Variants in BBOF1 observed in about 807,000 individuals in gnomAD.
BBOF1 encodes basal body orientation factor 1, also known as basal body-orientation factor 1.
BBOF1 carries 62 observed loss-of-function variants against 68.0 expected under a neutral mutation model. That is an observed-to-expected ratio of 0.91 (90% CI 0.74 to 1.13). The LOEUF (loss-of-function observed/expected upper bound fraction) is 1.13, where lower values mean the gene tolerates loss of function less well. BBOF1 is among the 50% of genes most tolerant of loss of function. The pLI is 0.00. For missense variants in BBOF1, 534 were observed against 600.1 expected (o/e 0.89, Z 1.15); for synonymous variants, 208 against 198.8 (o/e 1.05, Z -0.39).
chr14:74,047,667 A>G (rs1014503535), intron 6 of BBOF1, among the ~76,000 whole-genome samples: 6 of 151,956 alleles, frequency 3.9e-5, no homozygotes, highest in African/African-American at 1.5e-4. Flanking sequence ...CCAAATTCCT[A>G]GGCTCAAGTG....
At position 74,050,132 on chromosome 14, in the gene BBOF1, C is replaced by T. The variant is rs1595074100; in HGVS notation, c.1223C>T (p.Thr408Ile). 1 of 1,605,512 alleles carries T rather than the reference C, an allele frequency of 6.2e-7. No individual in the cohort carries two copies. The highest frequency in any genetic ancestry group is 8.5e-7 in the Non-Finnish European group (1 of 1,175,158). The change falls in exon 8 of 12, where the codon ACA becomes ATA. Residue 408 changes from threonine to isoleucine, a missense_variant. By Grantham distance (89) the Thr-to-Ile change is moderately conservative (BLOSUM62 -1). Transcript: ENST00000394009. ...AGAACAGAATATCCCAAAATCAGAACATTTGATGGCAGAGAGCACAGCACC... is the reference window on the plus strand; with the variant it reads ...AGAACAGAATATCCCAAAATCAGAATATTTGATGGCAGAGAGCACAGCACC... ...TGRTEYPKIR[T>I]FDGREHSTNS...
chr14:74,078,461 T>C (rs2060636952), intron 10 of BBOF1: 1 of 268,542 alleles, frequency 3.7e-6, no homozygotes, highest in Non-Finnish European at 7.4e-6. Context: ...TCAAGCCATC[T>C]TCCTGCCTCA....
chr14:74,048,016 C>T lies in BBOF1; in HGVS notation c.734C>T (p.Ala245Val), dbSNP rs765446845. Reference sequence around the variant, plus strand: ...GCATATCACCTGAAGGAAACTGACGCTCTACAAAAAAACTCCCAGAAGTTG... The same window carrying T: ...GCATATCACCTGAAGGAAACTGACGTTCTACAAAAAAACTCCCAGAAGTTG... Reference protein sequence around the residue: ...ALAYHLKETDALQKNSQKLQE... With the variant: ...ALAYHLKETDVLQKNSQKLQE... Residue 245 changes from alanine (A) to valine (V), a missense_variant, in exon 7 of 12, where the codon GCT (alanine) becomes GTT (valine). By Grantham distance (64) the Ala-to-Val change is moderately conservative (BLOSUM62 0). Transcript: ENST00000394009. The T allele has an allele frequency of 4.3e-6, 7 of 1,613,112 alleles. 1 individual carries two copies. In the South Asian group the frequency reaches 7.7e-5, roughly 18 times the overall value.
intron 10 of BBOF1, among the ~76,000 whole-genome samples, chr14:74,080,750 A>G (rs1350313541): frequency 1.3e-5 from 2 of 152,120 alleles, no homozygotes; most frequent in Non-Finnish European, 2.9e-5. Flanking sequence ...GCCTACTCTT[A>G]AACTTTCTGA....
At chr14:74,071,637 A>G in intron 9 of BBOF1, 1 of 1,555,144 alleles carries the variant, frequency 6.4e-7, no homozygotes, top group African/African-American at 1.4e-5. Flanking sequence ...TTCCAAGTTA[A>G]GGGTTTGTGC....
intron 9 of BBOF1, among the ~76,000 whole-genome samples, chr14:74,073,917 CA>C (rs5809643): frequency 0.13 from 10,070 of 76,886 alleles, 362 homozygotes; most frequent in South Asian, 0.33. Flanking sequence ...GACTCCATCT[CA>C]AAAAAAAAAA....
chr14:74,078,448 G>T, intron 10 of BBOF1: 1 of 269,836 alleles, frequency 3.7e-6, no homozygotes, highest in East Asian at 1.1e-4. Context: ...CCATCTCCTG[G>T]GCTCAAGCCA....
chr14:74,069,652 C>CTGAGGCAGGAGAATTGCT (rs1405053255), downstream of BBOF1, among the ~76,000 whole-genome samples: 3 of 151,752 alleles, frequency 2.0e-5, no homozygotes, highest in Non-Finnish European at 4.4e-5. Context: ...ACTTGGGAGT[C>CTGAGGCAGGAGAATTGCT]TGAGGCAGGA....
rs2059985352 is a variant in BBOF1 at position 74,047,869 on chromosome 14, T to C, written c.648-61T>C. On this transcript the variant is annotated intron_variant, in intron 6 of 11. Coordinates refer to ENST00000394009, the MANE Select transcript of BBOF1 (RefSeq NM_025057.3). ...GGGTGCAGGTGGTGAAGCAATCATT[T>C]TTCTATTTTGGCGATATCTAAAAGT... is the stretch of plus-strand genomic sequence containing the variant. 6 of 1,460,108 alleles carry C rather than the reference T, an allele frequency of 4.1e-6. No individual in the cohort carries two copies. In the East Asian group the frequency reaches 1.2e-4, roughly 29 times the overall value. The allele number at this position is 1,460,108 out of a possible 1,614,324, so 90.4% of individuals were successfully genotyped here. A position where few individuals can be genotyped will look rare whatever the true frequency, so the allele number is the denominator to read the frequency against.
chr14:74,048,481 T>G (rs2059998253), intron 7 of BBOF1: 1 of 153,278 alleles, frequency 6.5e-6, no homozygotes, highest in African/African-American at 2.4e-5. Flanking sequence ...GGAATGGTAG[T>G]GCCACAAAGT....
At chr14:74,030,154 C>A (rs1467013382) in intron 3 of BBOF1, among the ~76,000 whole-genome samples, 2 of 152,092 alleles carry the variant, frequency 1.3e-5, no homozygotes, top group Non-Finnish European at 2.9e-5. Context: ...GTTATGCCAC[C>A]AACTCAACAA....
chr14:74,074,714 C>A (rs2060593530), intron 9 of BBOF1, among the ~76,000 whole-genome samples: 1 of 152,100 alleles, frequency 6.6e-6, no homozygotes, highest in Non-Finnish European at 1.5e-5. Flanking sequence ...GTAAAAACCA[C>A]TCTAAAGGTC....
intron 10 of BBOF1, among the ~76,000 whole-genome samples, chr14:74,080,681 G>C (rs1276978203): frequency 6.6e-6 from 1 of 152,060 alleles, no homozygotes; most frequent in South Asian, 2.1e-4. Context: ...AGCCTCAAGC[G>C]ATCCTCCTGC....
At chr14:74,067,434 T>C (rs771324088), downstream of BBOF1, 2 of 1,614,118 alleles carry the variant, frequency 1.2e-6, no homozygotes, top group South Asian at 1.1e-5. Context: ...AGCCACTTCT[T>C]GGCTTCTCCC....
chr14:74,074,125 T>C (rs2060584496), intron 9 of BBOF1, among the ~76,000 whole-genome samples: 1 of 150,092 alleles, frequency 6.7e-6, no homozygotes, highest in South Asian at 2.1e-4. Context: ...GCTGGGACCA[T>C]AGGTACGCAC....
At chr14:74,082,422 T>A (rs2060679107) in intron 12 of BBOF1, among the ~76,000 whole-genome samples, 1 of 114,646 alleles carries the variant, frequency 8.7e-6, no homozygotes, top group Non-Finnish European at 1.8e-5. Flanking sequence ...TTTTTTTTGA[T>A]GGAGTCTTGC....
chr14:74,066,608 A>G (rs2060470223), downstream of BBOF1: 1 of 1,203,626 alleles, frequency 8.3e-7, no homozygotes, highest in Non-Finnish European at 1.2e-6. Context: ...ATAAGGTCTT[A>G]GTCATTAAGT....
chr14:74,030,327 T>TA (rs1461932735), intron 3 of BBOF1, among the ~76,000 whole-genome samples: 3 of 152,108 alleles, frequency 2.0e-5, no homozygotes, highest in Non-Finnish European at 4.4e-5. Flanking sequence ...TAGCTAAGAC[T>TA]ACAGGCATAC....
Position 74,019,487 on chromosome 14 carries a change from G to A in BBOF1, c.9G>A (p.Ser3=), listed in dbSNP as rs2059198207. Reference sequence around the variant, plus strand: ...CCCCTGGGGAAGCCAAGATGCCGTCGAAGGGAAAGGACAAAAAGAAAGGCA... The same window carrying A: ...CCCCTGGGGAAGCCAAGATGCCGTCAAAGGGAAAGGACAAAAAGAAAGGCA... MP[S]KGKDKKKGKS... The change falls in exon 1 of 12, where the codon TCG becomes TCA. Residue 3 remains serine (S), a synonymous_variant. Transcript: ENST00000394009. The A allele has an allele frequency of 6.2e-7, 1 of 1,605,198 alleles. No homozygotes were observed. The highest frequency in any genetic ancestry group is 1.7e-5 in the Admixed American group (1 of 58,938).
Sources: gnomAD v4.1 joint callset for allele counts (sites outside exome capture counted in the v4.1 genomes callset) on GRCh38, gnomAD v4.1.1 for gene constraint, MANE v1.5 for transcripts, NCBI Gene and HGNC (gene_info 2026-07-23, HGNC 2026-07-21) for gene names.